BCL3: variants seen among roughly 807,000 people sequenced by gnomAD.
BCL3 encodes the protein BCL3 transcription coactivator.
BCL3 carries 15 observed loss-of-function variants against 35.7 expected under a neutral mutation model. The ratio of observed to expected loss-of-function variants is 0.42; its 90% CI spans 0.28 to 0.65. The LOEUF (loss-of-function observed/expected upper bound fraction) is 0.65. Ranked by LOEUF, BCL3 falls within the 30% of genes least tolerant of loss-of-function variation. The pLI is 0.22. For missense variants in BCL3, 565 were observed against 641.7 expected (o/e 0.88, Z 1.29); for synonymous variants, 311 against 284.3 (o/e 1.09, Z -0.95).
intron 1 of BCL3, among the ~76,000 whole-genome samples, chr19:44,750,738 G>A (rs949206771): frequency 3.3e-5 from 5 of 152,034 alleles, no homozygotes; most frequent in Middle Eastern, 3.2e-3. Context: ...GGGCAAGATC[G>A]TGCCACTGCA....
At chr19:44,749,903 C>G (rs1232907003) in intron 1 of BCL3, among the ~76,000 whole-genome samples, 1 of 152,098 alleles carries the variant, frequency 6.6e-6, no homozygotes, top group Non-Finnish European at 1.5e-5. Flanking sequence ...ATTGGAGATA[C>G]GAGGACCTGG....
intron 3 of BCL3, among the ~76,000 whole-genome samples, chr19:44,756,632 C>T (rs1967292288): frequency 6.7e-6 from 1 of 148,752 alleles, no homozygotes; most frequent in Admixed American, 6.7e-5. Flanking sequence ...GGTCTGGACT[C>T]CTGGGTCTGA....
At chr19:44,758,169 C>A (rs1967335651) in intron 6 of BCL3, 77 bp from the exon 7 acceptor site, 1 of 1,381,280 alleles carries the variant, frequency 7.2e-7, no homozygotes, top group Non-Finnish European at 9.4e-7. Context: ...GCCGGCCACC[C>A]ACCCGGGCCT....
At chr19:44,752,167 C>T (rs1479544482) in intron 2 of BCL3, among the ~76,000 whole-genome samples, 2 of 151,172 alleles carry the variant, frequency 1.3e-5, no homozygotes, top group Non-Finnish European at 3.0e-5. Context: ...TATGTGGGTT[C>T]TACTGTGACA....
chr19:44,754,436 G>A (rs1035964357), intron 2 of BCL3, among the ~76,000 whole-genome samples: 3 of 152,142 alleles, frequency 2.0e-5, no homozygotes, highest in Non-Finnish European at 4.4e-5. Context: ...GGGGTGGCCA[G>A]GGTAGATCCC....
chr19:44,749,012 C>A lies in BCL3; in HGVS notation c.222C>A (p.His74Gln), dbSNP rs755856195. Residue 74 changes from histidine to glutamine, a missense_variant, in exon 1 of 9, where the codon CAC becomes CAA. Physicochemically the swap from His to Gln is conservative, Grantham distance 24. Transcript: ENST00000164227. ...TGCCGGCGGTCCCCGGGCCCCCCCA[C>A]GGCCTGGCCCGGCCGGAGGCGCTTT... ...CDLPAVPGPP[H>Q]GLARPEALYY... The A allele has an allele frequency of 2.9e-6, 4 of 1,376,170 alleles. No individual in the cohort carries two copies. Among genetic ancestry groups the A allele is most frequent in the African/African-American group, 1.5e-5 (1 of 66,114 alleles). The allele number at this position is 1,376,170 out of a possible 1,614,324, so 85.2% of individuals were successfully genotyped here. A position where few individuals can be genotyped will look rare whatever the true frequency, so the allele number is the denominator to read the frequency against.
Position 44,756,217 on chromosome 19 carries a change from C to T in BCL3, c.411-15C>T, listed in dbSNP as rs143868944. The T allele has an allele frequency of 1.3e-3, 1,880 of 1,435,906 alleles. 16 individuals are homozygous for T. The African/African-American group carries it at 0.021, about 16-fold the overall frequency. 88.9% of individuals were successfully genotyped at this position (1,435,906 alleles called of 1,614,324 possible). A position where few individuals can be genotyped will look rare whatever the true frequency, so the allele number is the denominator to read the frequency against. On this transcript the variant is annotated splice_polypyrimidine_tract_variant and intron_variant, in intron 2 of 8. Transcript: ENST00000164227. ...ACCCCTAATGCCTGTGATTCCTTCA[C>T]TCCCCCACCCCCAGGCCTCTCCATA...
At chr19:44,758,582 G>A in intron 7 of BCL3, 142 bp from the exon 8 acceptor site, 1 of 1,260,184 alleles carries the variant, frequency 7.9e-7, no homozygotes, top group Non-Finnish European at 1.1e-6. Context: ...AGGAGAGACT[G>A]GCACCAAGAA....
chr19:44,758,937 AG>A lies in BCL3; in HGVS notation c.1177+98del. 5.6e-6 allele frequency: 6 copies of A among 1,067,070 alleles called. 1 individual carries two copies. In the South Asian group the frequency reaches 9.6e-5, roughly 17 times the overall value. 66.1% of individuals were successfully genotyped at this position (1,067,070 alleles called of 1,614,324 possible). A position where few individuals can be genotyped will look rare whatever the true frequency, so the allele number is the denominator to read the frequency against. The stretch of plus-strand genomic sequence containing the variant: ...CCTCCTCCCTCAGATCCAGGAGTCC[AG>A]GCCCCTAGCCTCCTCCCTCTGACCC... On this transcript the variant is annotated intron_variant, in intron 8 of 8. Transcript: ENST00000164227.
chr19:44,748,527 G>C (rs1029554371), upstream of BCL3: 31 of 210,074 alleles, frequency 1.5e-4, no homozygotes, highest in African/African-American at 6.3e-4. Context: ...GGGCCGGGAG[G>C]GGGCAAGCGG....
chr19:44,755,819 G>C (rs1967269417), intron 2 of BCL3, among the ~76,000 whole-genome samples: 1 of 152,218 alleles, frequency 6.6e-6, no homozygotes, highest in South Asian at 2.1e-4. Context: ...TCAGGAGGCT[G>C]AGGTTGGATG....
At chr19:44,755,377 T>TA (rs1967261085) in intron 2 of BCL3, 1 of 152,278 alleles carries the variant, frequency 6.6e-6, no homozygotes, top group African/African-American at 2.4e-5. Flanking sequence ...CTAGGCCTTC[T>TA]ATGCTGGCAT....
At position 44,754,947 on chromosome 19, in the gene BCL3, A is replaced by T. The variant is rs143759197; in HGVS notation, c.411-1285A>T. Among the ~76,000 whole-genome samples, 513 of 152,368 alleles carry T rather than the reference A, an allele frequency of 3.4e-3. 5 individuals are homozygous for T. Among genetic ancestry groups the T allele is most frequent in the African/African-American group, 0.012 (497 of 41,586 alleles). ...TCTGGCCCCGGGATTTCTGCACTCCATCAGAACCACCTGGGAGGCTAGTTT... is the reference window on the plus strand; with the variant it reads ...TCTGGCCCCGGGATTTCTGCACTCCTTCAGAACCACCTGGGAGGCTAGTTT... On this transcript the variant is annotated intron_variant, in intron 2 of 8. Coordinates refer to ENST00000164227, the MANE Select transcript of BCL3 (RefSeq NM_005178.5).
chr19:44,757,321 CCT>C lies in BCL3; in HGVS notation c.725-4_725-3del. The C allele has an allele frequency of 6.3e-7, 1 of 1,598,734 alleles. No individual in the cohort carries two copies. Among genetic ancestry groups the C allele is most frequent in the Non-Finnish European group, 8.5e-7 (1 of 1,172,990 alleles). ...CTAGGTTTCACCGAGCCCTCCTCTCCCTCAGGGCTCACCGCCCTGCACGTGGC... is the reference window on the plus strand; with the variant it reads ...CTAGGTTTCACCGAGCCCTCCTCTCCCAGGGCTCACCGCCCTGCACGTGGC... On this transcript the variant is annotated splice_polypyrimidine_tract_variant and splice_region_variant and intron_variant, in intron 4 of 8. Coordinates refer to ENST00000164227, the MANE Select transcript of BCL3 (RefSeq NM_005178.5). The surrounding 1 kb of genome is among the most constrained non-coding windows in gnomAD (Gnocchi z 8.4).
chr19:44,751,380 C>A lies in BCL3; in HGVS notation c.410C>A (p.Thr137Lys). The A allele has an allele frequency of 6.4e-7, 1 of 1,571,696 alleles. No homozygotes were observed. The change falls in exon 2 of 9, where the codon ACG (threonine) becomes AAG (lysine). Residue 137 changes from threonine to lysine, a missense_variant and splice_region_variant. By Grantham distance (78) the Thr-to-Lys change is moderately conservative (BLOSUM62 -1). This residue lies in a region of BCL3 where 267 missense variants were observed against 281.5 expected (regional missense o/e 0.95). Coordinates refer to ENST00000164227, the MANE Select transcript of BCL3 (RefSeq NM_005178.5). ...MATRADEDGD[T>K]PLHIAVVQGN... is the part of the protein sequence containing the mutation. ...ACCCGTGCAGATGAGGACGGAGACA[C>A]GTGAGTGACAGTCCCCTATTAAGGG...
chr19:44,759,934 T>G lies in BCL3; in HGVS notation c.*319T>G. The stretch of plus-strand genomic sequence containing the variant: ...GGAACAGCCACTCCCCTCCACTCTC[T>G]ACCAGATAACTGAGGAGGGGAGAGG... On this transcript the variant is annotated 3_prime_UTR_variant, in exon 9 of 9. Coordinates refer to ENST00000164227, the MANE Select transcript of BCL3 (RefSeq NM_005178.5). The G allele has an allele frequency of 1.9e-5, 6 of 315,770 alleles. No individual in the cohort carries two copies. Among genetic ancestry groups the G allele is most frequent in the East Asian group, 5.1e-5 (1 of 19,464 alleles). 19.6% of individuals were successfully genotyped at this position (315,770 alleles called of 1,614,324 possible).
At chr19:44,752,289 C>G (rs1967196469) in intron 2 of BCL3, among the ~76,000 whole-genome samples, 1 of 150,822 alleles carries the variant, frequency 6.6e-6, no homozygotes, top group Non-Finnish European at 1.5e-5. Flanking sequence ...CAGCCTTGAT[C>G]TCTTGGGCTC....
intron 7 of BCL3, 25 bp from the exon 8 acceptor site, chr19:44,758,699 T>A (rs1479026935): frequency 6.4e-7 from 1 of 1,560,890 alleles, no homozygotes; most frequent in East Asian, 2.3e-5. Context: ...TGGGTGGCTC[T>A]ATGGTCACGC....
upstream of BCL3, chr19:44,748,629 C>T: frequency 1.1e-6 from 1 of 917,902 alleles, no homozygotes; most frequent in Non-Finnish European, 1.3e-6. Flanking sequence ...TACGGGTGGC[C>T]CCGGGGGGGC....
Sources: allele counts gnomAD v4.1 joint callset (sites outside exome capture counted in the v4.1 genomes callset), GRCh38; gene constraint gnomAD v4.1.1; regional missense constraint gnomAD v4.1.1; non-coding constraint Gnocchi (gnomAD v3.1); transcripts MANE v1.5; gene names NCBI Gene and HGNC (gene_info 2026-07-23, HGNC 2026-07-21).